Variants in UBE2D3 observed in about 807,000 individuals in gnomAD.
UBE2D3 encodes ubiquitin conjugating enzyme E2 D3.
UBE2D3 carries 2 observed loss-of-function variants against 22.8 expected under a neutral mutation model. That is an observed-to-expected ratio of 0.09 (90% confidence interval 0.04 to 0.28). UBE2D3 has a LOEUF of 0.28. UBE2D3 is among the 10% of genes least tolerant of loss of function. UBE2D3 has a pLI of 1.00. For missense variants in UBE2D3, 27 were observed against 182.5 expected (o/e 0.15, Z 4.91); for synonymous variants, 56 against 60.4 (o/e 0.93, Z 0.34).
intron 2 of UBE2D3, among the ~76,000 whole-genome samples, chr4:102,823,867 T>C (rs1224939392): frequency 6.6e-6 from 1 of 152,216 alleles, no homozygotes; most frequent in East Asian, 1.9e-4. Flanking sequence ...AGTAAAATAT[T>C]AACGAGGAAT....
At chr4:102,827,882 G>A, upstream of UBE2D3, 1 of 985,728 alleles carries the variant, frequency 1.0e-6, no homozygotes, top group Non-Finnish European at 1.2e-6. Context: ...GAAGGTAAAG[G>A]AAGCAGCCGC....
chr4:102,799,735 AAT>A (rs1725832758), intron 6 of UBE2D3, among the ~76,000 whole-genome samples: 2 of 151,744 alleles, frequency 1.3e-5, no homozygotes, highest in Admixed American at 1.3e-4. Flanking sequence ...TAGCCATAAA[AAT>A]AGTTTCTAAG....
chr4:102,840,583 G>C (rs1373811111), intron 1 of UBE2D3, among the ~76,000 whole-genome samples: 1 of 152,044 alleles, frequency 6.6e-6, no homozygotes, highest in Admixed American at 6.6e-5. Flanking sequence ...TGGGTGGGAG[G>C]GGGGATGAAG....
At chr4:102,828,589 C>G (rs1730920464), upstream of UBE2D3, among the ~76,000 whole-genome samples, 5 of 152,178 alleles carry the variant, frequency 3.3e-5, no homozygotes, top group South Asian at 1.0e-3. Flanking sequence ...CGCTGCCGTC[C>G]GCCAAGGTGT....
chr4:102,838,223 A>G (rs1731527167), intron 1 of UBE2D3, among the ~76,000 whole-genome samples: 1 of 152,206 alleles, frequency 6.6e-6, no homozygotes, highest in African/African-American at 2.4e-5. Context: ...CACGCGAACT[A>G]AACCCACAGT....
At chr4:102,868,780 T>C in exon 1 of UBE2D3, 1 of 1,613,898 alleles carries the variant, frequency 6.2e-7, no homozygotes, top group Non-Finnish European at 8.5e-7. Flanking sequence ...CAGTATCCTT[T>C]CTGCTGGTCT....
chr4:102,823,300 G>A (rs898701154), intron 2 of UBE2D3, among the ~76,000 whole-genome samples: 29 of 152,286 alleles, frequency 1.9e-4, no homozygotes, highest in African/African-American at 6.3e-4. Context: ...ATGAACCTGG[G>A]TCATCTTCTT....
intron 4 of UBE2D3, among the ~76,000 whole-genome samples, chr4:102,808,759 A>ACACAGT (rs1578234868): frequency 6.6e-6 from 1 of 152,214 alleles, no homozygotes; most frequent in East Asian, 1.9e-4. Context: ...ATTACCTGGC[A>ACACAGT]CACAGTATGT....
chr4:102,860,260 AGGTAATTTATAGGTCTC>A (rs2110378692), intron 1 of UBE2D3, among the ~76,000 whole-genome samples: 1 of 151,858 alleles, frequency 6.6e-6, no homozygotes, highest in South Asian at 2.1e-4. Context: ...ATTCTTTATC[AGGTAATTTATAGGTCTC>A]TGTTTCTTTG....
chr4:102,862,579 C>T (rs1184220916), intron 1 of UBE2D3, among the ~76,000 whole-genome samples: 3 of 152,176 alleles, frequency 2.0e-5, no homozygotes, highest in Admixed American at 1.3e-4. Flanking sequence ...AACACATCCT[C>T]TATTAGCTTT....
At position 102,854,407 on chromosome 4, in the gene UBE2D3, A is replaced by C. The variant is rs998038426; in HGVS notation, c.-129+14308T>G. Among the ~76,000 whole-genome samples, 5 of 151,846 alleles carry C rather than the reference A, an allele frequency of 3.3e-5. No individual in the cohort carries two copies. The East Asian group carries it at 9.6e-4, about 29-fold the overall frequency. On this transcript the variant is annotated intron_variant, in intron 1 of 7. Transcript: ENST00000338145. ...TGCTGGATGAATTATTGAAAGAGAG[A>C]TATTGAAGTCTCTGTGATACTGGAT...
chr4:102,799,840 G>C (rs1193668769), intron 6 of UBE2D3, among the ~76,000 whole-genome samples: 3 of 143,428 alleles, frequency 2.1e-5, no homozygotes, highest in African/African-American at 5.0e-5. Context: ...GCTGGGGGGG[G>C]GGGGACTTTA....
At chr4:102,819,022 G>C (rs958570117) in intron 2 of UBE2D3, among the ~76,000 whole-genome samples, 9 of 152,142 alleles carry the variant, frequency 5.9e-5, no homozygotes, top group African/African-American at 1.9e-4. Flanking sequence ...AAGGATGCTA[G>C]GAGAAACATA....
At chr4:102,819,279 G>A (rs1042741045) in intron 2 of UBE2D3, among the ~76,000 whole-genome samples, 2 of 149,486 alleles carry the variant, frequency 1.3e-5, no homozygotes, top group East Asian at 3.9e-4. Context: ...GCAGTAAGCC[G>A]CAGTTGCGCC....
At chr4:102,826,060 T>C (rs1040031772) in intron 2 of UBE2D3, among the ~76,000 whole-genome samples, 2 of 152,132 alleles carry the variant, frequency 1.3e-5, no homozygotes, top group Admixed American at 1.3e-4. Flanking sequence ...TTTTCTTTCT[T>C]ACCCCTAGAA....
intron 2 of UBE2D3, among the ~76,000 whole-genome samples, chr4:102,823,050 T>G (rs1729882227): frequency 1.3e-5 from 2 of 152,384 alleles, no homozygotes; most frequent in Middle Eastern, 3.4e-3. Flanking sequence ...ACTATTTCTC[T>G]GAGCCTGTTA....
intron 1 of UBE2D3, 100 bp downstream of exon 1, chr4:102,827,327 T>G: frequency 1.0e-6 from 1 of 971,328 alleles, no homozygotes; most frequent in Non-Finnish European, 1.2e-6. Flanking sequence ...CCCAATAGGC[T>G]GGCCGCTCAA....
intron 1 of UBE2D3, among the ~76,000 whole-genome samples, chr4:102,852,489 G>A (rs1286111191): frequency 6.6e-6 from 1 of 152,002 alleles, no homozygotes; most frequent in Non-Finnish European, 1.5e-5. Flanking sequence ...CATCTCTATA[G>A]GTATTGGTGT....
At chr4:102,818,358 C>G (rs1729074808) in intron 2 of UBE2D3, among the ~76,000 whole-genome samples, 1 of 152,206 alleles carries the variant, frequency 6.6e-6, no homozygotes, top group African/African-American at 2.4e-5. Context: ...CTCAAACTTT[C>G]TGCACACTTG....
Sources: allele counts gnomAD v4.1 joint callset (sites outside exome capture counted in the v4.1 genomes callset), GRCh38; gene constraint gnomAD v4.1.1; transcripts MANE v1.5; gene names NCBI Gene and HGNC (gene_info 2026-07-23, HGNC 2026-07-21).